DET1: variants seen among roughly 807,000 people sequenced by gnomAD.
DET1 encodes DET1 homolog.
DET1 carries 22 observed loss-of-function variants against 43.7 expected under a neutral mutation model. The ratio of observed to expected loss-of-function variants is 0.50; its 90% CI spans 0.36 to 0.72. DET1 has a LOEUF of 0.72. Among genes scored for constraint, DET1 ranks in the 30% least tolerant of loss-of-function variants. DET1 has a pLI of 0.00. For synonymous variants in DET1, 315 were observed against 266.2 expected (o/e 1.18, Z -1.79); for missense variants, 713 against 713.3 (o/e 1.00, Z 0.00).
chr15:88,519,723 A>G (rs1490361004), intron 3 of DET1, among the ~76,000 whole-genome samples: 2 of 152,162 alleles, frequency 1.3e-5, no homozygotes, highest in Non-Finnish European at 2.9e-5. Flanking sequence ...GAAAAACTAC[A>G]GCCTCCAGTT....
downstream of DET1, among the ~76,000 whole-genome samples, chr15:88,509,857 C>T (rs1273867545): frequency 3.3e-5 from 5 of 152,204 alleles, no homozygotes; most frequent in East Asian, 7.7e-4. Flanking sequence ...GGAGAGTCTC[C>T]TCCACACTCA....
chr15:88,544,065 C>G (rs371251710), intron 1 of DET1, among the ~76,000 whole-genome samples: 1 of 152,178 alleles, frequency 6.6e-6, no homozygotes, highest in Non-Finnish European at 1.5e-5. Flanking sequence ...ACTGCCAATA[C>G]GGTAGTTAAG....
At chr15:88,533,428 T>C (rs2056867894) in intron 1 of DET1, among the ~76,000 whole-genome samples, 1 of 152,218 alleles carries the variant, frequency 6.6e-6, no homozygotes, top group South Asian at 2.1e-4. Context: ...ATTCTACTTC[T>C]GGGTATAAAT....
chr15:88,539,931 C>T (rs530182239), intron 1 of DET1, among the ~76,000 whole-genome samples: 1 of 152,254 alleles, frequency 6.6e-6, no homozygotes, highest in African/African-American at 2.4e-5. Flanking sequence ...TTTCCTGTGC[C>T]CTTAAACAGA....
intron 2 of DET1, among the ~76,000 whole-genome samples, chr15:88,529,581 C>T (rs2056758578): frequency 6.6e-6 from 1 of 152,220 alleles, no homozygotes; most frequent in Non-Finnish European, 1.5e-5. Context: ...TATTTTACCA[C>T]AGGTAGCTGG....
At chr15:88,527,069 A>G (rs2142296651) in intron 3 of DET1, among the ~76,000 whole-genome samples, 2 of 152,220 alleles carry the variant, frequency 1.3e-5, no homozygotes, top group South Asian at 2.1e-4. Context: ...TCATTCATTC[A>G]CTGGCTTTTC....
chr15:88,516,747 T>G lies in DET1; in HGVS notation c.1463+35A>C. Reference sequence around the variant, plus strand: ...AAAGAAAGCAGGCCATCTTCAGCCCTTGAGCAGTTTGTAGCTATAGCAGTG... The same window carrying G: ...AAAGAAAGCAGGCCATCTTCAGCCCGTGAGCAGTTTGTAGCTATAGCAGTG... On this transcript the variant is annotated intron_variant, in intron 4 of 4. Transcript: ENST00000268148. This position sits in a 1 kb window ranked among gnomAD's most constrained non-coding sequence, Gnocchi z 4.4. The G allele has an allele frequency of 6.7e-7, 1 of 1,486,028 alleles. No individual in the cohort carries two copies. Among genetic ancestry groups the G allele is most frequent in the Admixed American group, 2.7e-5 (1 of 36,998 alleles). The allele number at this position is 1,486,028 out of a possible 1,614,324, so 92.1% of individuals were successfully genotyped here.
At chr15:88,511,700 A>G, downstream of DET1, 1 of 659,764 alleles carries the variant, frequency 1.5e-6, no homozygotes, top group Non-Finnish European at 1.9e-6. Flanking sequence ...CAGGTGCTCA[A>G]ATCCTGCACT....
intron 1 of DET1, among the ~76,000 whole-genome samples, chr15:88,542,438 C>A (rs761153447): frequency 3.3e-5 from 5 of 152,058 alleles, no homozygotes; most frequent in African/African-American, 1.2e-4. Flanking sequence ...TCACCAGGAG[C>A]GTTTTTAGAA....
chr15:88,527,835 T>C lies in DET1; in HGVS notation c.1084-49A>G, dbSNP rs192113154. On this transcript the variant is annotated intron_variant, in intron 2 of 4. Transcript: ENST00000268148. Reference sequence around the variant, plus strand: ...TATGGGACAGCTGAGTATAATGCCATGCGTAGGAAACTTAGCACTTATTAC... The same window carrying C: ...TATGGGACAGCTGAGTATAATGCCACGCGTAGGAAACTTAGCACTTATTAC... 1.7e-4 allele frequency: 228 copies of C among 1,379,302 alleles called. No individual in the cohort carries two copies. In the African/African-American group the frequency reaches 3.1e-3, roughly 18 times the overall value. The allele number at this position is 1,379,302 out of a possible 1,614,324, so 85.4% of individuals were successfully genotyped here.
At chr15:88,538,697 G>C (rs561836217) in intron 1 of DET1, among the ~76,000 whole-genome samples, 1 of 152,096 alleles carries the variant, frequency 6.6e-6, no homozygotes, top group Admixed American at 6.5e-5. Context: ...GTCTTGCTCC[G>C]GGCTCCCCCG....
chr15:88,524,767 C>T (rs1212901837), intron 3 of DET1, among the ~76,000 whole-genome samples: 1 of 152,050 alleles, frequency 6.6e-6, no homozygotes, highest in Non-Finnish European at 1.5e-5. Context: ...CCTTAAGAGT[C>T]ATCACCACTC....
At chr15:88,538,912 C>A (rs949006069) in intron 1 of DET1, among the ~76,000 whole-genome samples, 1 of 152,102 alleles carries the variant, frequency 6.6e-6, no homozygotes, top group African/African-American at 2.4e-5. Flanking sequence ...GTGGCCCTGA[C>A]GAGGGCATCC....
At position 88,517,250 on chromosome 15, in the gene DET1, G is replaced by A. The variant is rs192548440; in HGVS notation, c.1272-277C>T. Among the ~76,000 whole-genome samples the A allele has an allele frequency of 2.7e-3, 374 of 136,108 alleles. 2 individuals are homozygous for A. The highest frequency in any genetic ancestry group is 7.8e-3 in the Middle Eastern group (2 of 256). The allele number at this position is 136,108 out of a possible 152,430, so 89.3% of individuals were successfully genotyped here. The stretch of plus-strand genomic sequence containing the variant: ...TTTTTTTTTTTTTTTTTTTGAGACA[G>A]GGTCTCGCTTTGTTGCCCAGGCTGG... On this transcript the variant is annotated intron_variant, in intron 3 of 4. Coordinates refer to ENST00000268148, the MANE Select transcript of DET1 (RefSeq NM_001144074.3).
intron 1 of DET1, among the ~76,000 whole-genome samples, chr15:88,535,122 G>T (rs536394953): frequency 7.4e-4 from 112 of 152,230 alleles, no homozygotes; most frequent in Middle Eastern, 6.8e-3. Context: ...TAAAGATCCA[G>T]ATAAGAAGTT....
At chr15:88,527,073 G>T (rs1399638672) in intron 3 of DET1, among the ~76,000 whole-genome samples, 1 of 152,002 alleles carries the variant, frequency 6.6e-6, no homozygotes, top group Non-Finnish European at 1.5e-5. Context: ...TCATTCACTG[G>T]CTTTTCAGCT....
At chr15:88,536,623 C>A (rs1284002805) in intron 1 of DET1, among the ~76,000 whole-genome samples, 6 of 151,628 alleles carry the variant, frequency 4.0e-5, no homozygotes, top group Admixed American at 2.6e-4. Flanking sequence ...ACTAAAAATA[C>A]AAAAATTAGC....
intron 3 of DET1, among the ~76,000 whole-genome samples, chr15:88,526,886 T>A (rs190526793): frequency 6.0e-4 from 92 of 152,236 alleles, no homozygotes; most frequent in Non-Finnish European, 1.5e-5. Context: ...ACTTTACCAA[T>A]CCTCCTCATT....
chr15:88,533,415 A>G (rs11633392), intron 1 of DET1, among the ~76,000 whole-genome samples: 34,446 of 152,180 alleles, frequency 0.23, 5,047 homozygotes, highest in African/African-American at 0.41. Flanking sequence ...ATAAGATCCA[A>G]CAATTCTACT....
Sources: allele counts gnomAD v4.1 joint callset (sites outside exome capture counted in the v4.1 genomes callset), GRCh38; gene constraint gnomAD v4.1.1; non-coding constraint Gnocchi (gnomAD v3.1); transcripts MANE v1.5; gene names NCBI Gene and HGNC (gene_info 2026-07-23, HGNC 2026-07-21).